LRP8: variants seen among roughly 807,000 people sequenced by gnomAD.
LRP8 encodes LDL receptor related protein 8.
LRP8 carries 46 observed loss-of-function variants against 111.6 expected under a neutral mutation model. That is an observed-to-expected ratio of 0.41 (90% CI 0.33 to 0.53). The LOEUF is 0.53. LRP8 is among the 20% of genes least tolerant of loss of function. LRP8 has a pLI of 0.20. For synonymous variants in LRP8, 464 were observed against 511.2 expected, an observed-to-expected ratio of 0.91 and a Z score of 1.24; for missense variants, 959 against 1,297.4, an observed-to-expected ratio of 0.74 and a Z score of 4.01.
intron 1 of LRP8, chr1:53,327,489 A>C: frequency 3.2e-6 from 1 of 313,196 alleles, no homozygotes; most frequent in Non-Finnish European, 5.8e-6. Context: ...AACGGCGAGA[A>C]TCACACAGCT....
intron 2 of LRP8, among the ~76,000 whole-genome samples, chr1:53,316,751 A>G (rs551117433): frequency 6.6e-6 from 1 of 152,360 alleles, no homozygotes; most frequent in South Asian, 2.1e-4. Context: ...CCAAATGGCC[A>G]CTCGGCAAGG....
chr1:53,268,752 T>C (rs1572489668), intron 8 of LRP8, among the ~76,000 whole-genome samples: 3 of 152,288 alleles, frequency 2.0e-5, no homozygotes, highest in Admixed American at 2.0e-4. Flanking sequence ...TACGTAGCAA[T>C]CTTATTTTTT....
rs576889804 is a variant in LRP8, at chr1:53,294,896, G to A, written c.245-5207C>T. ...CGTGGAGCCCCGGTGCAGAGAGAAG[G>A]CTCCAAAATAAAGATTAGTCCGGGC... On this transcript the variant is annotated intron_variant, in intron 2 of 18. Transcript: ENST00000306052. This position sits in a 1 kb window ranked among gnomAD's most constrained non-coding sequence, Gnocchi z 4.1. 1.3e-5 allele frequency among the ~76,000 whole-genome samples: 2 copies of A among 152,354 alleles called. No individual in the cohort carries two copies. The highest frequency in any genetic ancestry group is 4.8e-5 in the African/African-American group (2 of 41,580).
At chr1:53,255,924 A>G (rs1166595997) in intron 15 of LRP8, among the ~76,000 whole-genome samples, 1 of 152,232 alleles carries the variant, frequency 6.6e-6, no homozygotes, top group Non-Finnish European at 1.5e-5. Context: ...GCCTAGTTCT[A>G]AGAGGGTGGA....
chr1:53,296,046 T>C lies in LRP8; in HGVS notation c.245-6357A>G, dbSNP rs541400826. Among the ~76,000 whole-genome samples the C allele has an allele frequency of 2.0e-5, 3 of 152,202 alleles. No individual in the cohort carries two copies. In the South Asian group the frequency reaches 6.2e-4, roughly 32 times the overall value. ...CAGAGCATGGAGCCCAGAGTGAAGC[T>C]GCAGGGACCCCACTGGAGACCCCAA... is the stretch of plus-strand genomic sequence containing the variant. On this transcript the variant is annotated intron_variant, in intron 2 of 18. Transcript: ENST00000306052.
chr1:53,258,114 T>C (rs533877055), intron 14 of LRP8: 2 of 426,566 alleles, frequency 4.7e-6, no homozygotes, highest in African/African-American at 4.0e-5. Context: ...CATTTTTTCC[T>C]TGGGAGTGAG....
At chr1:53,260,443 C>G in intron 13 of LRP8, 21 bp downstream of exon 13, 1 of 1,612,800 alleles carries the variant, frequency 6.2e-7, no homozygotes, top group African/African-American at 1.3e-5. Flanking sequence ...GACCTGGGAC[C>G]TAGGACCAGA....
intron 2 of LRP8, chr1:53,305,899 G>A (rs1388073286): frequency 6.6e-6 from 1 of 152,334 alleles, no homozygotes; most frequent in Non-Finnish European, 1.5e-5. Context: ...CCACTCCAGG[G>A]TGAACGGTGA....
chr1:53,326,007 T>C (rs553925644), intron 2 of LRP8, among the ~76,000 whole-genome samples: 42 of 151,856 alleles, frequency 2.8e-4, no homozygotes, highest in African/African-American at 1.0e-3. Flanking sequence ...AAGAAACTTC[T>C]AAATCAGTCG....
chr1:53,282,720 C>T (rs1222971724), intron 3 of LRP8, among the ~76,000 whole-genome samples: 2 of 152,170 alleles, frequency 1.3e-5, no homozygotes, highest in East Asian at 1.9e-4. Context: ...TTTAGTAACT[C>T]CCCACCAAAA....
intron 9 of LRP8, among the ~76,000 whole-genome samples, chr1:53,264,854 A>G (rs938341465): frequency 6.6e-6 from 1 of 152,140 alleles, no homozygotes; most frequent in Non-Finnish European, 1.5e-5. Flanking sequence ...ACAGTGAGAT[A>G]CTTAGGGGAG....
intron 15 of LRP8, 23 bp downstream of exon 15, chr1:53,257,217 G>A: frequency 6.2e-7 from 1 of 1,610,510 alleles, no homozygotes; most frequent in Non-Finnish European, 8.5e-7. Flanking sequence ...TGTCATGAAA[G>A]AATGCAGAAC....
chr1:53,270,821 T>A (rs1646736317), intron 8 of LRP8, among the ~76,000 whole-genome samples: 1 of 152,220 alleles, frequency 6.6e-6, no homozygotes, highest in Non-Finnish European at 1.5e-5. Context: ...ATCTCCTTAA[T>A]AAACCTTCGG....
intron 2 of LRP8, among the ~76,000 whole-genome samples, chr1:53,300,032 T>C (rs1650504004): frequency 6.6e-6 from 1 of 152,246 alleles, no homozygotes; most frequent in South Asian, 2.1e-4. Flanking sequence ...GTCACTGTCC[T>C]ACCAAAGTCC....
At chr1:53,260,941 T>C (rs1305172742) in intron 12 of LRP8, among the ~76,000 whole-genome samples, 3 of 152,132 alleles carry the variant, frequency 2.0e-5, no homozygotes, top group African/African-American at 4.8e-5. Flanking sequence ...GGGACCAAGA[T>C]TGGAAGGAAT....
At chr1:53,259,360 C>T (rs1304097672) in intron 13 of LRP8, among the ~76,000 whole-genome samples, 2 of 152,302 alleles carry the variant, frequency 1.3e-5, no homozygotes, top group Non-Finnish European at 2.9e-5. Context: ...GATCCTCCTG[C>T]GTTGGCCTCC....
intron 5 of LRP8, 132 bp downstream of exon 5, chr1:53,276,560 G>T: frequency 1.5e-6 from 1 of 645,310 alleles, no homozygotes; most frequent in Non-Finnish European, 2.2e-6. Flanking sequence ...TCCCAGCCTC[G>T]GTCTCCTCTG....
rs138816953 is a variant in LRP8, at chr1:53,258,301, C to G, written c.2209+18G>C. The G allele has an allele frequency of 9.1e-5, 146 of 1,611,762 alleles. 1 individual carries two copies. The East Asian group carries it at 3.2e-3, about 35-fold the overall frequency. On this transcript the variant is annotated intron_variant, in intron 14 of 18. Coordinates refer to ENST00000306052, the MANE Select transcript of LRP8 (RefSeq NM_004631.5). ...TCTGACACTGCCAGGGGCCATCCCT[C>G]CTGGAAGGTCTGCTTACCTCGGTAG...
intron 2 of LRP8, among the ~76,000 whole-genome samples, chr1:53,299,895 T>C (rs968363626): frequency 6.6e-6 from 1 of 152,234 alleles, no homozygotes; most frequent in African/African-American, 2.4e-5. Context: ...TTCCTCTCCT[T>C]TTTAGGTATG....
Sources: gnomAD v4.1 joint callset for allele counts (sites outside exome capture counted in the v4.1 genomes callset) on GRCh38, gnomAD v4.1.1 for gene constraint, Gnocchi (gnomAD v3.1) non-coding constraint, MANE v1.5 for transcripts, NCBI Gene and HGNC (gene_info 2026-07-23, HGNC 2026-07-21) for gene names.